The following MYO1H variants were observed in gnomAD, a reference collection of about 807,000 sequenced individuals.
The protein encoded by MYO1H is unconventional myosin-Ih.
MYO1H carries 118 observed loss-of-function variants against 149.3 expected under a neutral mutation model. The observed-to-expected ratio is 0.79, with a 90% CI of 0.68 to 0.92. The LOEUF (loss-of-function observed/expected upper bound fraction) is 0.92. Among genes scored for constraint, MYO1H ranks in the 40% least tolerant of loss-of-function variants. The pLI is 0.00. For missense variants in MYO1H, 1,212 were observed against 1,280.7 expected (o/e 0.95, Z 0.82); for synonymous variants, 447 against 465.2 (o/e 0.96, Z 0.50).
chr12:109,387,911 T>A (rs1267679926), intron 1 of MYO1H, among the ~76,000 whole-genome samples: 1 of 152,206 alleles, frequency 6.6e-6, no homozygotes, highest in Non-Finnish European at 1.5e-5. Context: ...GCGCGGGTGC[T>A]CAGGAAGGTC....
At chr12:109,413,327 G>T in intron 14 of MYO1H, among the ~76,000 whole-genome samples, 1 of 152,058 alleles carries the variant, frequency 6.6e-6, no homozygotes, top group East Asian at 1.9e-4. Context: ...ATACAAGATG[G>T]GGGTTATTAA....
intron 1 of MYO1H, among the ~76,000 whole-genome samples, chr12:109,351,511 A>G (rs1043682961): frequency 1.3e-5 from 2 of 152,192 alleles, no homozygotes; most frequent in African/African-American, 4.8e-5. Flanking sequence ...AAGATTAGAC[A>G]TTGTGTCCAG....
At chr12:109,416,005 C>T (rs1870892402) in intron 15 of MYO1H, among the ~76,000 whole-genome samples, 1 of 151,516 alleles carries the variant, frequency 6.6e-6, no homozygotes, top group African/African-American at 2.4e-5. Flanking sequence ...TGCAGTGGCT[C>T]AATCTCAGCT....
intron 2 of MYO1H, among the ~76,000 whole-genome samples, chr12:109,390,016 A>G (rs1032536007): frequency 2.0e-5 from 3 of 152,214 alleles, no homozygotes; most frequent in African/African-American, 7.2e-5. Context: ...ACAGAGAAGT[A>G]CAAATGGCAT....
intron 1 of MYO1H, among the ~76,000 whole-genome samples, chr12:109,386,282 G>A (rs1005951518): frequency 1.3e-5 from 2 of 152,144 alleles, no homozygotes; most frequent in African/African-American, 4.8e-5. Context: ...TCCAGTTAGG[G>A]GCCGTTCTGA....
intron 1 of MYO1H, among the ~76,000 whole-genome samples, chr12:109,355,250 C>T (rs1868562822): frequency 6.6e-6 from 1 of 152,128 alleles, no homozygotes; most frequent in Admixed American, 6.5e-5. Context: ...CACACGACTT[C>T]AGGGGAATAA....
intron 1 of MYO1H, among the ~76,000 whole-genome samples, chr12:109,385,345 A>C (rs1869281516): frequency 6.8e-6 from 1 of 147,384 alleles, no homozygotes; most frequent in African/African-American, 2.5e-5. Flanking sequence ...CCTAGGCTGG[A>C]GTGTAGCAGT....
At chr12:109,343,824 C>T (rs2048094139), upstream of MYO1H, among the ~76,000 whole-genome samples, 1 of 152,222 alleles carries the variant, frequency 6.6e-6, no homozygotes, top group Admixed American at 6.5e-5. Flanking sequence ...GGGAGCTAGT[C>T]TCTGTCCTAG....
chr12:109,364,472 G>A (rs1868824435), intron 1 of MYO1H, among the ~76,000 whole-genome samples: 1 of 152,042 alleles, frequency 6.6e-6, no homozygotes, highest in African/African-American at 2.4e-5. Flanking sequence ...TACTGGGCAT[G>A]CACCACTATG....
intron 22 of MYO1H, among the ~76,000 whole-genome samples, chr12:109,437,375 G>T (rs1190854404): frequency 6.6e-6 from 1 of 152,146 alleles, no homozygotes; most frequent in Non-Finnish European, 1.5e-5. Flanking sequence ...TATTTTGGGT[G>T]ACATTTTTGC....
At chr12:109,376,161 G>A (rs1197807158) in intron 1 of MYO1H, among the ~76,000 whole-genome samples, 1 of 152,102 alleles carries the variant, frequency 6.6e-6, no homozygotes, top group Non-Finnish European at 1.5e-5. Context: ...AAGGTTTTCA[G>A]TTTATTCACA....
At chr12:109,312,309 T>A in the MYO1H span, among the ~76,000 whole-genome samples, 1 of 152,032 alleles carries the variant, frequency 6.6e-6, no homozygotes, top group South Asian at 2.1e-4. Flanking sequence ...ACCTCCCGGG[T>A]TCACGCCATT....
At position 109,444,292 on chromosome 12, in the gene MYO1H, C is replaced by T. The variant is rs1418442617; in HGVS notation, c.2895+9C>T. ...AGGACAGCAAGCAAAAGGTAATTGA[C>T]AGCCACCAGTCTCTACTAAAAGACA... On this transcript the variant is annotated intron_variant, in intron 29 of 31. Coordinates refer to ENST00000310903, the Ensembl canonical transcript of MYO1H. 2 of 1,612,214 alleles carry T rather than the reference C, an allele frequency of 1.2e-6. No individual in the cohort carries two copies. Among genetic ancestry groups the T allele is most frequent in the South Asian group, 1.1e-5 (1 of 91,054 alleles).
At chr12:109,350,139 GA>G (rs1179744902) in intron 1 of MYO1H, among the ~76,000 whole-genome samples, 1 of 152,054 alleles carries the variant, frequency 6.6e-6, no homozygotes, top group African/African-American at 2.4e-5. Context: ...TCGTGCCGTT[GA>G]TTGTCATTGT....
intron 19 of MYO1H, among the ~76,000 whole-genome samples, chr12:109,432,491 A>G (rs1871672796): frequency 6.6e-6 from 1 of 152,158 alleles, no homozygotes; most frequent in Non-Finnish European, 1.5e-5. Context: ...CTGTCGATGG[A>G]CATCTGGGTT....
exon 18 of MYO1H, chr12:109,425,949 G>A: frequency 6.2e-7 from 1 of 1,609,770 alleles, no homozygotes; most frequent in Non-Finnish European, 8.5e-7. Flanking sequence ...TCTGCAGGTG[G>A]GGACTCAGTT....
exon 20 of MYO1H, chr12:109,432,981 C>A (rs1223371328): frequency 6.2e-7 from 1 of 1,614,034 alleles, no homozygotes; most frequent in Non-Finnish European, 8.5e-7. Flanking sequence ...AGTACATCGG[C>A]TACAAACCCG....
intron 19 of MYO1H, among the ~76,000 whole-genome samples, chr12:109,432,641 G>C (rs966279467): frequency 6.6e-6 from 1 of 152,134 alleles, no homozygotes; most frequent in African/African-American, 2.4e-5. Context: ...TGAGTCACTG[G>C]GTTGAGCGTC....
chr12:109,347,774 G>A, upstream of MYO1H: 1 of 391,402 alleles, frequency 2.6e-6, no homozygotes, highest in Non-Finnish European at 4.5e-6. Context: ...CCTACATGTA[G>A]ACGGCCATAA....
Sources: allele counts gnomAD v4.1 joint callset (sites outside exome capture counted in the v4.1 genomes callset), GRCh38; gene constraint gnomAD v4.1.1; transcripts MANE v1.5; gene names NCBI Gene and HGNC (gene_info 2026-07-23, HGNC 2026-07-21).